ANXA2: variants seen among roughly 807,000 people sequenced by gnomAD.
ANXA2 encodes the protein annexin A2.
ANXA2 carries 28 observed loss-of-function variants against 47.3 expected under a neutral mutation model. The ratio of observed to expected loss-of-function variants is 0.59; its 90% CI spans 0.44 to 0.81. The LOEUF (loss-of-function observed/expected upper bound fraction) is 0.81, where lower values mean the gene tolerates loss of function less well. Ranked by LOEUF, ANXA2 falls within the 40% of genes least tolerant of loss-of-function variation. The probability of loss-of-function intolerance (pLI) is 0.00; values close to 1 mark genes in which losing one functional copy is unlikely to be tolerated. For synonymous variants in ANXA2, 172 were observed against 155.5 expected, an observed-to-expected ratio of 1.11 and a Z score of -0.79; for missense variants, 384 against 414.3, an observed-to-expected ratio of 0.93 and a Z score of 0.64.
At chr15:60,365,867 CCTCT>C (rs1315798384) in intron 3 of ANXA2, among the ~76,000 whole-genome samples, 1 of 136,878 alleles carries the variant, frequency 7.3e-6, no homozygotes, top group Non-Finnish European at 1.6e-5. Context: ...CCTCCCCCTC[CCTCT>C]CCCTCCACGG....
At chr15:60,386,285 A>G (rs983298021) in intron 1 of ANXA2, 199 bp from the exon 2 acceptor site, 3 of 550,936 alleles carry the variant, frequency 5.4e-6, no homozygotes, top group Non-Finnish European at 9.8e-6. Flanking sequence ...GTTGGGATGG[A>G]CTACTAAACT....
At chr15:60,357,048 T>C in intron 6 of ANXA2, 98 bp downstream of exon 6, 1 of 1,079,026 alleles carries the variant, frequency 9.3e-7, no homozygotes, top group Admixed American at 1.8e-5. Context: ...TGCACATCAC[T>C]AATGCAGGCA....
rs114881087 is a variant in ANXA2, at chr15:60,385,732, T to A, written c.48+296A>T. The A allele has an allele frequency of 2.2e-3, 706 of 314,500 alleles. 4 individuals are homozygous for A. The highest frequency in any genetic ancestry group is 0.014 in the African/African-American group (642 of 46,954). The allele number at this position is 314,500 out of a possible 1,614,324, so 19.5% of individuals were successfully genotyped here. On this transcript the variant is annotated intron_variant, in intron 2 of 12. Coordinates refer to ENST00000451270, the MANE Select transcript of ANXA2 (RefSeq NM_004039.3). Reference sequence around the variant, plus strand: ...ACATGACATTAAAAGTCATGTACCATCATAACAGTTATTACCAATGACATG... The same window carrying A: ...ACATGACATTAAAAGTCATGTACCAACATAACAGTTATTACCAATGACATG...
intron 1 of ANXA2, among the ~76,000 whole-genome samples, chr15:60,391,482 G>C (rs1393946327): frequency 6.6e-6 from 1 of 152,172 alleles, no homozygotes; most frequent in South Asian, 2.1e-4. Flanking sequence ...ACGTCCAGTG[G>C]GGTGCCCTGT....
chr15:60,378,897 C>T (rs1350046363), intron 3 of ANXA2, among the ~76,000 whole-genome samples: 1 of 152,010 alleles, frequency 6.6e-6, no homozygotes, highest in African/African-American at 2.4e-5. Flanking sequence ...ACCCAGGAAG[C>T]AGAGGTTGCA....
chr15:60,389,073 TG>T (rs1423297892), intron 1 of ANXA2, among the ~76,000 whole-genome samples: 2 of 152,108 alleles, frequency 1.3e-5, no homozygotes, highest in African/African-American at 4.8e-5. Flanking sequence ...ACTCCTAGGA[TG>T]GACATCAAAC....
intron 12 of ANXA2, 96 bp from the exon 13 acceptor site, chr15:60,347,785 T>G: frequency 2.7e-5 from 29 of 1,068,022 alleles, no homozygotes; most frequent in Non-Finnish European, 4.0e-5. Flanking sequence ...ATGAAGCTTC[T>G]CCCATGACAA....
chr15:60,379,245 T>C (rs1214012754), intron 3 of ANXA2, among the ~76,000 whole-genome samples: 1 of 151,858 alleles, frequency 6.6e-6, no homozygotes, highest in Non-Finnish European at 1.5e-5. Context: ...ACCACTGCAC[T>C]CCAGCCTGGG....
At chr15:60,393,608 C>T in intron 1 of ANXA2, 24 of 985,390 alleles carry the variant, frequency 2.4e-5, no homozygotes, top group Non-Finnish European at 2.9e-5. Context: ...TTTCTAAGTT[C>T]CCTCCACCAG....
At chr15:60,350,538 G>A (rs996486910) in intron 11 of ANXA2, among the ~76,000 whole-genome samples, 1 of 152,194 alleles carries the variant, frequency 6.6e-6, no homozygotes, top group Non-Finnish European at 1.5e-5. Flanking sequence ...GATGGCAGAG[G>A]CAGCACAGAC....
At chr15:60,394,374 G>A (rs1187408566) in intron 1 of ANXA2, among the ~76,000 whole-genome samples, 1 of 152,132 alleles carries the variant, frequency 6.6e-6, no homozygotes, top group East Asian at 1.9e-4. Flanking sequence ...GGGTGCTACC[G>A]ACCTGTCCAG....
intron 3 of ANXA2, among the ~76,000 whole-genome samples, chr15:60,365,845 TCTCCCC>T (rs1245000923): frequency 0.021 from 1,217 of 56,760 alleles, 50 homozygotes; most frequent in African/African-American, 0.099. Flanking sequence ...TCCCTCTCCC[TCTCCCC>T]CTCCCCCTCC....
chr15:60,365,193 T>C (rs117638412), intron 3 of ANXA2, among the ~76,000 whole-genome samples: 381 of 151,606 alleles, frequency 2.5e-3, no homozygotes, highest in Middle Eastern at 0.01. Flanking sequence ...TTAAAAAGAG[T>C]AAGTGTTTTA....
In ANXA2 at chr15:60,386,176, G is replaced by A; in HGVS notation, c.-11-90C>T. ...TTCATTATGCTAATTTCTACTCCTT[G>A]GACCATTTCATCTGACGATATTGGA... On this transcript the variant is annotated intron_variant, in intron 1 of 12. Transcript: ENST00000451270. 3 of 896,080 alleles carry A rather than the reference G, an allele frequency of 3.3e-6. No individual in the cohort carries two copies. In the Admixed American group the frequency reaches 6.8e-5, roughly 20 times the overall value. 55.5% of individuals were successfully genotyped at this position (896,080 alleles called of 1,614,324 possible).
At chr15:60,360,802 T>C (rs2062501227) in intron 5 of ANXA2, 139 bp downstream of exon 5, 1 of 636,996 alleles carries the variant, frequency 1.6e-6, no homozygotes, top group Non-Finnish European at 2.8e-6. Flanking sequence ...TCCTGAGACA[T>C]ATAACTTCAG....
chr15:60,366,491 G>C (rs960988548), intron 3 of ANXA2, among the ~76,000 whole-genome samples: 3 of 151,962 alleles, frequency 2.0e-5, no homozygotes, highest in East Asian at 2.0e-4. Context: ...GCCTCTGCCC[G>C]GCCGCGACCC....
chr15:60,397,796 G>T (rs12904906), intron 1 of ANXA2, 147 bp downstream of exon 1: 160,205 of 1,268,866 alleles, frequency 0.13, 10,799 homozygotes, highest in Middle Eastern at 0.21. Flanking sequence ...ACTCTCCAGT[G>T]CCGGCCGTCC....
chr15:60,357,028 C>T (rs951045513), intron 6 of ANXA2, 118 bp downstream of exon 6: 19 of 834,928 alleles, frequency 2.3e-5, no homozygotes, highest in Admixed American at 1.5e-4. Context: ...GTCAAGGTGG[C>T]AGGCACTTCT....
chr15:60,383,637 T>A (rs1049235102), intron 2 of ANXA2: 1 of 152,280 alleles, frequency 6.6e-6, no homozygotes, highest in African/African-American at 2.4e-5. Context: ...ATGTACATTG[T>A]GGTTGTGGTT....
Sources: gnomAD v4.1 joint callset for allele counts (sites outside exome capture counted in the v4.1 genomes callset) on GRCh38, gnomAD v4.1.1 for gene constraint, MANE v1.5 for transcripts, NCBI Gene and HGNC (gene_info 2026-07-23, HGNC 2026-07-21) for gene names.